PKNOX2: variants seen among roughly 807,000 people sequenced by gnomAD.
PKNOX2 encodes the protein homeobox protein PKNOX2.
In PKNOX2, 14 loss-of-function variants were observed where a neutral mutation model predicts 53.1. The ratio of observed to expected loss-of-function variants is 0.26; its 90% CI spans 0.17 to 0.41. The LOEUF (loss-of-function observed/expected upper bound fraction) is 0.41, where lower values mean the gene tolerates loss of function less well. Among genes scored for constraint, PKNOX2 ranks in the 10% least tolerant of loss-of-function variants. The pLI is 1.00. For missense variants in PKNOX2, 496 were observed against 602.8 expected (o/e 0.82, Z 1.85); for synonymous variants, 257 against 242.8 (o/e 1.06, Z -0.54).
rs1350178663 is a variant in PKNOX2, at chr11:125,195,048, C to A, written c.-201+30272C>A. On this transcript the variant is annotated intron_variant, in intron 1 of 12. Transcript: ENST00000298282. ...TGGAACGCTTAAGGAACCCATCCAA[C>A]ATCACACAACCAGGAGTTTGGGAAG... Among the ~76,000 whole-genome samples, 54 of 152,184 alleles carry A rather than the reference C, an allele frequency of 3.5e-4. 1 individual carries two copies. The highest frequency in any genetic ancestry group is 1.5e-5 in the Non-Finnish European group (1 of 68,034).
At chr11:125,283,138 G>A (rs989471363) in intron 2 of PKNOX2, among the ~76,000 whole-genome samples, 2 of 151,460 alleles carry the variant, frequency 1.3e-5, no homozygotes, top group African/African-American at 4.9e-5. Flanking sequence ...GGCAACACAA[G>A]GAGACTCCAT....
chr11:125,416,628 G>A (rs1190899078), intron 10 of PKNOX2, among the ~76,000 whole-genome samples: 1 of 152,062 alleles, frequency 6.6e-6, no homozygotes, highest in African/African-American at 2.4e-5. Flanking sequence ...CTGACTTTCA[G>A]ATAAGCAGGT....
intron 2 of PKNOX2, among the ~76,000 whole-genome samples, chr11:125,251,367 G>GCTTCCA (rs1943980177): frequency 6.6e-6 from 1 of 152,092 alleles, no homozygotes; most frequent in South Asian, 2.1e-4. Flanking sequence ...GGTGTCTCCT[G>GCTTCCA]GAAGATGAGA....
At position 125,240,352 on chromosome 11, in the gene PKNOX2, C is replaced by T. The variant is rs568869106; in HGVS notation, c.-130+5237C>T. ...CTTACGGATAATTTCGTTTGCCTAA[C>T]GAGATTTTGCTAATTAAATCTCCTT... On this transcript the variant is annotated intron_variant, in intron 2 of 12. Coordinates refer to ENST00000298282, the MANE Select transcript of PKNOX2 (RefSeq NM_001382323.2). The surrounding 1 kb of genome is among the most constrained non-coding windows in gnomAD (Gnocchi z 4.3). The T allele has an allele frequency of 1.6e-4, 25 of 152,280 alleles. No individual in the cohort carries two copies. The highest frequency in any genetic ancestry group is 5.1e-4 in the African/African-American group (21 of 41,546). The allele number at this position is 152,280 out of a possible 1,614,324, so 9.4% of individuals were successfully genotyped here.
At chr11:125,187,236 G>GT (rs996048080) in intron 1 of PKNOX2, among the ~76,000 whole-genome samples, 13 of 151,180 alleles carry the variant, frequency 8.6e-5, no homozygotes, top group Admixed American at 3.3e-4. Flanking sequence ...TAACTTTTCC[G>GT]TTTTTTTTCA....
intron 1 of PKNOX2, among the ~76,000 whole-genome samples, chr11:125,222,787 ATG>A (rs760294528): frequency 3.6e-4 from 49 of 134,622 alleles, no homozygotes; most frequent in South Asian, 1.2e-3. Context: ...GTATGTGTGT[ATG>A]TGTGTGTGTG....
At chr11:125,339,023 C>T (rs1950552374) in intron 3 of PKNOX2, among the ~76,000 whole-genome samples, 1 of 152,212 alleles carries the variant, frequency 6.6e-6, no homozygotes, top group African/African-American at 2.4e-5. Flanking sequence ...TAATATGAAA[C>T]ACTCCTCCTC....
intron 5 of PKNOX2, among the ~76,000 whole-genome samples, chr11:125,377,685 T>C (rs915800058): frequency 5.9e-5 from 9 of 152,190 alleles, no homozygotes; most frequent in African/African-American, 2.2e-4. Context: ...TTGAGCCACA[T>C]TGGAAGAAGA....
At chr11:125,293,225 C>A (rs542364941) in intron 2 of PKNOX2, among the ~76,000 whole-genome samples, 40 of 152,244 alleles carry the variant, frequency 2.6e-4, no homozygotes, top group Admixed American at 6.5e-4. Flanking sequence ...CAACTATATA[C>A]ATATATAATC....
chr11:125,181,832 G>A (rs1334373536), intron 1 of PKNOX2, among the ~76,000 whole-genome samples: 1 of 152,212 alleles, frequency 6.6e-6, no homozygotes, highest in Non-Finnish European at 1.5e-5. Context: ...TGCTATGGGG[G>A]TGCAATCAGC....
chr11:125,404,103 T>G (rs1036347503), intron 7 of PKNOX2, among the ~76,000 whole-genome samples: 6 of 151,524 alleles, frequency 4.0e-5, no homozygotes, highest in Non-Finnish European at 5.9e-5. Flanking sequence ...GGGAGAAGAC[T>G]GGATGGGGCT....
intron 1 of PKNOX2, among the ~76,000 whole-genome samples, chr11:125,169,536 C>T (rs899224379): frequency 3.3e-5 from 5 of 152,136 alleles, no homozygotes; most frequent in Admixed American, 1.3e-4. Flanking sequence ...AATTTAGTGG[C>T]CTGGTCTCTT....
intron 2 of PKNOX2, among the ~76,000 whole-genome samples, chr11:125,250,135 C>T (rs948445046): frequency 1.3e-5 from 2 of 149,772 alleles, no homozygotes; most frequent in Non-Finnish European, 3.0e-5. Context: ...AGGCTAGACT[C>T]GAACTCCTAG....
chr11:125,363,577 A>G (rs1383349881), intron 4 of PKNOX2, among the ~76,000 whole-genome samples: 1 of 152,180 alleles, frequency 6.6e-6, no homozygotes, highest in Non-Finnish European at 1.5e-5. Context: ...GAAAAGGGAC[A>G]GTCCTCCATG....
At chr11:125,206,821 G>A (rs963745103) in intron 1 of PKNOX2, among the ~76,000 whole-genome samples, 5 of 152,026 alleles carry the variant, frequency 3.3e-5, no homozygotes, top group Admixed American at 6.6e-5. Context: ...TTTCAGGTGA[G>A]TGACTTAGAC....
chr11:125,177,494 T>C (rs1231109398), intron 1 of PKNOX2, among the ~76,000 whole-genome samples: 1 of 152,202 alleles, frequency 6.6e-6, no homozygotes, highest in African/African-American at 2.4e-5. Flanking sequence ...TTGCTGGCTA[T>C]GTGATCCTGG....
rs148054344 is a variant in PKNOX2 at position 125,398,203 on chromosome 11, G to T, written c.588+141G>T. 996 of 770,736 alleles carry T rather than the reference G, an allele frequency of 1.3e-3. 10 individuals are homozygous for T. In the African/African-American group the frequency reaches 0.015, roughly 12 times the overall value. 47.7% of individuals were successfully genotyped at this position (770,736 alleles called of 1,614,324 possible). On this transcript the variant is annotated intron_variant, in intron 7 of 12. Transcript: ENST00000298282. ...TTTGCCATGAGGGCCCTCCTCTGAT[G>T]CACTCTTCTTCATATCCATTAGGCC...
chr11:125,213,765 T>TA lies in PKNOX2; in HGVS notation c.-200-21273dup, dbSNP rs1351536188. 5.3e-5 allele frequency among the ~76,000 whole-genome samples: 8 copies of TA among 151,984 alleles called. No homozygotes were observed. The East Asian group carries it at 5.8e-4, about 11-fold the overall frequency. The stretch of plus-strand genomic sequence containing the variant: ...GAGCCACTGTGCCTGGCCCAAAAGT[T>TA]AAAAAAACACTTAAAATGTGAACAT... On this transcript the variant is annotated intron_variant, in intron 1 of 12. Coordinates refer to ENST00000298282, the MANE Select transcript of PKNOX2 (RefSeq NM_001382323.2).
chr11:125,374,709 C>T (rs931851363), intron 5 of PKNOX2, among the ~76,000 whole-genome samples: 3 of 152,252 alleles, frequency 2.0e-5, no homozygotes, highest in Non-Finnish European at 4.4e-5. Flanking sequence ...CCAGGGTCCC[C>T]GCCAAGACCA....
Sources: allele counts gnomAD v4.1 joint callset (sites outside exome capture counted in the v4.1 genomes callset), GRCh38; gene constraint gnomAD v4.1.1; non-coding constraint Gnocchi (gnomAD v3.1); transcripts MANE v1.5; gene names NCBI Gene and HGNC (gene_info 2026-07-23, HGNC 2026-07-21).